NDFIP2: variants seen among roughly 807,000 people sequenced by gnomAD.
The protein encoded by NDFIP2 is Nedd4 family interacting protein 2, also known as NEDD4 family-interacting protein 2.
A neutral mutation model predicts 36.0 loss-of-function variants in NDFIP2; 19 were observed. That is an observed-to-expected ratio of 0.53 (90% CI 0.37 to 0.77). NDFIP2 has a LOEUF of 0.77. Among genes scored for constraint, NDFIP2 ranks in the 30% least tolerant of loss-of-function variants. NDFIP2 has a pLI of 0.00. For missense variants in NDFIP2, 446 were observed against 435.8 expected, an observed-to-expected ratio of 1.02 and a Z score of -0.21; for synonymous variants, 181 against 167.7, an observed-to-expected ratio of 1.08 and a Z score of -0.61.
chr13:79,508,707 C>A (rs1178251295), intron 1 of NDFIP2, among the ~76,000 whole-genome samples: 1 of 152,166 alleles, frequency 6.6e-6, no homozygotes, highest in Non-Finnish European at 1.5e-5. Context: ...CTTGTGCCAA[C>A]CTTTTATCTC....
intron 1 of NDFIP2, among the ~76,000 whole-genome samples, chr13:79,490,315 G>A (rs948247400): frequency 6.6e-6 from 1 of 152,134 alleles, no homozygotes; most frequent in Non-Finnish European, 1.5e-5. Flanking sequence ...AAATTATTAA[G>A]AATTTTAAGA....
chr13:79,547,895 A>AC (rs748987276), intron 5 of NDFIP2, among the ~76,000 whole-genome samples: 15 of 152,146 alleles, frequency 9.9e-5, no homozygotes, highest in Non-Finnish European at 1.6e-4. Flanking sequence ...GGTCAGCAGA[A>AC]CACCCCCATC....
chr13:79,527,271 T>G (rs1289029686), intron 2 of NDFIP2, among the ~76,000 whole-genome samples: 1 of 152,228 alleles, frequency 6.6e-6, no homozygotes, highest in Non-Finnish European at 1.5e-5. Context: ...TTAGGTTTTT[T>G]GAAGGCTGTT....
chr13:79,548,915 T>C (rs1490742550), intron 6 of NDFIP2, among the ~76,000 whole-genome samples: 1 of 152,066 alleles, frequency 6.6e-6, no homozygotes, highest in African/African-American at 2.4e-5. Flanking sequence ...TTAATATTGA[T>C]GGAATTTTAT....
intron 2 of NDFIP2, among the ~76,000 whole-genome samples, chr13:79,530,111 G>C (rs952681061): frequency 1.3e-5 from 2 of 152,112 alleles, no homozygotes; most frequent in Non-Finnish European, 2.9e-5. Context: ...TGACTGATCA[G>C]GGTGGTGGTT....
At chr13:79,511,083 G>A (rs1874067061) in intron 1 of NDFIP2, among the ~76,000 whole-genome samples, 1 of 151,200 alleles carries the variant, frequency 6.6e-6, no homozygotes, top group South Asian at 2.1e-4. Flanking sequence ...GTGAATGTTT[G>A]TTTTAGACTT....
chr13:79,500,561 G>A (rs1230599783), intron 1 of NDFIP2, among the ~76,000 whole-genome samples: 1 of 151,880 alleles, frequency 6.6e-6, no homozygotes, highest in Non-Finnish European at 1.5e-5. Context: ...TGGCAAGTAA[G>A]CAAATGAAAA....
intron 1 of NDFIP2, among the ~76,000 whole-genome samples, chr13:79,504,680 A>G (rs1873793200): frequency 6.6e-6 from 1 of 151,714 alleles, no homozygotes; most frequent in Non-Finnish European, 1.5e-5. Flanking sequence ...AGAAAGGTTC[A>G]GGTCAGTTAT....
intron 1 of NDFIP2, among the ~76,000 whole-genome samples, 182 bp from the exon 2 acceptor site, chr13:79,520,628 T>A (rs1396128734): frequency 6.6e-6 from 1 of 152,240 alleles, no homozygotes; most frequent in Non-Finnish European, 1.5e-5. Flanking sequence ...AATAACTAAG[T>A]CTTTACAAAT....
intron 1 of NDFIP2, among the ~76,000 whole-genome samples, chr13:79,484,372 C>T (rs76309045): frequency 0.02 from 3,038 of 152,194 alleles, 81 homozygotes; most frequent in African/African-American, 0.068. Context: ...TAAGATTGTA[C>T]CTGTACCAAG....
chr13:79,491,147 G>C (rs777120776), intron 1 of NDFIP2, among the ~76,000 whole-genome samples: 1 of 152,052 alleles, frequency 6.6e-6, no homozygotes, highest in East Asian at 1.9e-4. Flanking sequence ...TAAGCCTCAT[G>C]GTGGTAGAGA....
chr13:79,525,320 G>T (rs374068541), intron 2 of NDFIP2, among the ~76,000 whole-genome samples: 145 of 152,328 alleles, frequency 9.5e-4, no homozygotes, highest in Non-Finnish European at 1.7e-3. Flanking sequence ...AACTTTTGCA[G>T]TTTGAGATGT....
At chr13:79,485,693 G>C (rs1463752195) in intron 1 of NDFIP2, among the ~76,000 whole-genome samples, 1 of 152,042 alleles carries the variant, frequency 6.6e-6, no homozygotes, top group East Asian at 1.9e-4. Context: ...CAGTTCTCAT[G>C]TTGCTTGATT....
intron 3 of NDFIP2, among the ~76,000 whole-genome samples, chr13:79,538,421 A>G (rs776544176): frequency 5.3e-5 from 8 of 152,196 alleles, no homozygotes; most frequent in Admixed American, 2.6e-4. Flanking sequence ...CCTTCCACCC[A>G]CGGGCCTGTA....
intron 5 of NDFIP2, 76 bp downstream of exon 5, chr13:79,543,758 G>A (rs1267563530): frequency 8.5e-6 from 13 of 1,536,510 alleles, no homozygotes; most frequent in Middle Eastern, 1.7e-4. Flanking sequence ...GTTCATAAAT[G>A]GTCACTTTAT....
At chr13:79,484,034 T>G (rs992222041) in intron 1 of NDFIP2, among the ~76,000 whole-genome samples, 4 of 152,070 alleles carry the variant, frequency 2.6e-5, no homozygotes, top group Non-Finnish European at 2.9e-5. Context: ...TATTTTTATT[T>G]TTTGAGATGG....
intron 2 of NDFIP2, among the ~76,000 whole-genome samples, chr13:79,526,932 T>G (rs1336116977): frequency 6.6e-6 from 1 of 152,184 alleles, no homozygotes; most frequent in Non-Finnish European, 1.5e-5. Context: ...AACTTGCCTG[T>G]GTTCACATAG....
chr13:79,538,521 A>G lies in NDFIP2; in HGVS notation c.622-1161A>G, dbSNP rs372214482. Among the ~76,000 whole-genome samples the G allele has an allele frequency of 7.2e-5, 11 of 152,352 alleles. No homozygotes were observed. The East Asian group carries it at 1.7e-3, about 24-fold the overall frequency. ...GGTTCCAAAAGGGAGAAATTGGCCA[A>G]CAAAAGGGGATACAAGCCCCATGGA... On this transcript the variant is annotated intron_variant, in intron 3 of 7. Transcript: ENST00000218652.
At chr13:79,509,776 G>T (rs1874012262) in intron 1 of NDFIP2, among the ~76,000 whole-genome samples, 1 of 152,148 alleles carries the variant, frequency 6.6e-6, no homozygotes, top group Admixed American at 6.5e-5. Context: ...GTAGCAAGGA[G>T]AGCTGTTCTG....
Sources: gnomAD v4.1 joint callset for allele counts (sites outside exome capture counted in the v4.1 genomes callset) on GRCh38, gnomAD v4.1.1 for gene constraint, MANE v1.5 for transcripts, NCBI Gene and HGNC (gene_info 2026-07-23, HGNC 2026-07-21) for gene names.